The following TNKS2 variants were observed in gnomAD, a reference collection of about 807,000 sequenced individuals.
TNKS2 encodes the protein poly [ADP-ribose] polymerase tankyrase-2.
TNKS2 carries 72 observed loss-of-function variants against 137.6 expected under a neutral mutation model. That is an observed-to-expected ratio of 0.52 (90% CI 0.43 to 0.64). The LOEUF (loss-of-function observed/expected upper bound fraction) is 0.64, where lower values mean the gene tolerates loss of function less well. Among genes scored for constraint, TNKS2 ranks in the 30% least tolerant of loss-of-function variants. TNKS2 has a pLI of 0.00. For missense variants in TNKS2, 1,049 were observed against 1,410.2 expected, an observed-to-expected ratio of 0.74 and a Z score of 4.10; for synonymous variants, 516 against 512.1, an observed-to-expected ratio of 1.01 and a Z score of -0.10.
chr10:91,840,532 T>C (rs1281503472), intron 13 of TNKS2, 29 bp from the exon 14 acceptor site: 3 of 1,586,958 alleles, frequency 1.9e-6, no homozygotes, highest in Non-Finnish European at 2.6e-6. Flanking sequence ...GTAGATGTAG[T>C]ATCATGTATG....
At position 91,862,963 on chromosome 10, in the gene TNKS2, C is replaced by A; in HGVS notation, c.3465C>A (p.Tyr1155Ter). 6.2e-7 allele frequency: 1 copy of A among 1,605,994 alleles called. No individual in the cohort carries two copies. ...EQAYPEYLIT[Y>*]QIMRPEGMVD... Reference sequence around the variant, plus strand: ...CTTATCCTGAGTATTTAATTACTTACCAGATTATGAGGCCTGAAGGTATGG... The same window carrying A: ...CTTATCCTGAGTATTTAATTACTTAACAGATTATGAGGCCTGAAGGTATGG... The change falls in exon 27 of 27, where the codon TAC (tyrosine) becomes TAA (stop). Residue 1155 changes from tyrosine to a stop codon, truncating the protein, a stop_gained. Transcript: ENST00000371627. LOFTEE classifies it high-confidence loss of function.
chr10:91,854,401 T>C (rs1384448091), intron 21 of TNKS2, among the ~76,000 whole-genome samples: 9 of 152,272 alleles, frequency 5.9e-5, no homozygotes, highest in Admixed American at 1.3e-4. Flanking sequence ...GTATGTGTAC[T>C]GGTTTTGATC....
chr10:91,799,390 G>A (rs1488456066), intron 1 of TNKS2, among the ~76,000 whole-genome samples: 1 of 152,168 alleles, frequency 6.6e-6, no homozygotes, highest in East Asian at 1.9e-4. Context: ...GCGTTAATTG[G>A]TTTATCAGAA....
At chr10:91,818,707 A>AT (rs756981541) in intron 3 of TNKS2, among the ~76,000 whole-genome samples, 1 of 151,902 alleles carries the variant, frequency 6.6e-6, no homozygotes, top group Non-Finnish European at 1.5e-5. Context: ...CAATTTTTGT[A>AT]TTTTTTGTAG....
chr10:91,839,885 T>A (rs1219491700), intron 13 of TNKS2, among the ~76,000 whole-genome samples: 5 of 152,242 alleles, frequency 3.3e-5, no homozygotes, highest in Non-Finnish European at 1.5e-5. Flanking sequence ...AATAAGCTCC[T>A]TGGTAATGCT....
chr10:91,826,569 G>T (rs1845077269), intron 7 of TNKS2, among the ~76,000 whole-genome samples: 1 of 152,184 alleles, frequency 6.6e-6, no homozygotes, highest in African/African-American at 2.4e-5. Flanking sequence ...TATCTAATAT[G>T]TGGCCAGAAT....
chr10:91,828,256 A>T, intron 8 of TNKS2, 29 bp from the exon 9 acceptor site: 3 of 1,522,052 alleles, frequency 2.0e-6, no homozygotes, highest in Non-Finnish European at 2.6e-6. Context: ...TGAACTCGTT[A>T]TACATGTAAA....
chr10:91,848,798 A>G (rs1332775734), intron 19 of TNKS2, among the ~76,000 whole-genome samples, 163 bp downstream of exon 19: 1 of 152,158 alleles, frequency 6.6e-6, no homozygotes, highest in African/African-American at 2.4e-5. Flanking sequence ...TCTTCCTTCC[A>G]AGTTGACAGT....
rs1252925794 is a variant in TNKS2, at chr10:91,863,944, A to G, written c.*945A>G. ...TCCAGGGTGGGAAGGGTAATCCTAA[A>G]TCATTTCCCAATCTATTCTAATTAC... On this transcript the variant is annotated 3_prime_UTR_variant, in exon 27 of 27. Transcript: ENST00000371627. 1.3e-5 allele frequency: 2 copies of G among 152,162 alleles called. No individual in the cohort carries two copies. The highest frequency in any genetic ancestry group is 3.8e-4 in the East Asian group (2 of 5,206). 9.4% of individuals were successfully genotyped at this position (152,162 alleles called of 1,614,324 possible).
intron 1 of TNKS2, among the ~76,000 whole-genome samples, chr10:91,803,366 T>A (rs1272431736): frequency 2.0e-5 from 3 of 151,222 alleles, no homozygotes; most frequent in African/African-American, 7.3e-5. Context: ...AATAGAAAAA[T>A]GAGCCGGGCA....
At chr10:91,858,325 T>C (rs996419947) in intron 24 of TNKS2, among the ~76,000 whole-genome samples, 7 of 152,192 alleles carry the variant, frequency 4.6e-5, no homozygotes, top group African/African-American at 1.7e-4. Flanking sequence ...TAAATAATTA[T>C]CATGATAATC....
intron 25 of TNKS2, among the ~76,000 whole-genome samples, chr10:91,861,588 A>G (rs921716303): frequency 1.3e-5 from 2 of 152,210 alleles, no homozygotes; most frequent in African/African-American, 4.8e-5. Context: ...TAAGAAAAGT[A>G]AATGGATTTC....
rs1842184275 is a variant in TNKS2, at chr10:91,840,694, C to T, written c.1661C>T (p.Ala554Val). ...YLLQHGADVH[A>V]KDKGGLVPLH... ...CTACAGCATGGAGCTGATGTGCATG[C>T]TAAAGATAAAGGGTAAATGCCAATG... The change falls in exon 14 of 27, where the codon GCT becomes GTT. Residue 554 changes from alanine (A) to valine (V), a missense_variant. Transcript: ENST00000371627. The T allele has an allele frequency of 6.2e-7, 1 of 1,613,110 alleles. No homozygotes were observed. Among genetic ancestry groups the T allele is most frequent in the Non-Finnish European group, 8.5e-7 (1 of 1,179,640 alleles).
In TNKS2 at chr10:91,798,854, C is replaced by A; in HGVS notation, c.164C>A (p.Ala55Glu). The A allele has an allele frequency of 1.5e-6, 2 of 1,361,692 alleles. No individual in the cohort carries two copies. Among genetic ancestry groups the A allele is most frequent in the East Asian group, 6.0e-5 (2 of 33,118 alleles). 84.4% of individuals were successfully genotyped at this position (1,361,692 alleles called of 1,614,324 possible). ...GAGAAGGTGAACAGCCGCGACACGG[C>A]GGGCAGGAAATCCACCCCGCTGCAC... Reference protein sequence around the residue: ...TPEKVNSRDTAGRKSTPLHFA... With the variant: ...TPEKVNSRDTEGRKSTPLHFA... Residue 55 changes from alanine to glutamate, a missense_variant, in exon 1 of 27, where the codon GCG (alanine) becomes GAG (glutamate). By Grantham distance (107) the Ala-to-Glu change is moderately radical. Coordinates refer to ENST00000371627, the MANE Select transcript of TNKS2 (RefSeq NM_025235.4).
At chr10:91,801,572 C>T (rs930034774) in intron 1 of TNKS2, among the ~76,000 whole-genome samples, 3 of 151,950 alleles carry the variant, frequency 2.0e-5, no homozygotes, top group Admixed American at 1.3e-4. Flanking sequence ...CTTCCGGGTT[C>T]GACCGATTCT....
chr10:91,861,713 G>GT, intron 25 of TNKS2, among the ~76,000 whole-genome samples: 1 of 152,190 alleles, frequency 6.6e-6, no homozygotes, highest in African/African-American at 2.4e-5. Context: ...AGTGACTTTT[G>GT]TTTTTTGCTG....
intron 13 of TNKS2, among the ~76,000 whole-genome samples, chr10:91,839,161 C>T (rs1255377382): frequency 6.6e-6 from 1 of 151,916 alleles, no homozygotes; most frequent in Non-Finnish European, 1.5e-5. Flanking sequence ...CCACCGTGCC[C>T]GGCCTAAGAT....
chr10:91,803,306 A>C (rs572060817), intron 1 of TNKS2, among the ~76,000 whole-genome samples: 2 of 152,310 alleles, frequency 1.3e-5, no homozygotes, highest in South Asian at 4.1e-4. Context: ...TGAACTCAAG[A>C]GTTCAAGACC....
intron 7 of TNKS2, among the ~76,000 whole-genome samples, chr10:91,825,565 A>G (rs1043057548): frequency 3.3e-5 from 5 of 152,240 alleles, no homozygotes; most frequent in African/African-American, 9.6e-5. Context: ...TTAACTTAAT[A>G]TAGAAGAAAG....
Sources: gnomAD v4.1 joint callset for allele counts (sites outside exome capture counted in the v4.1 genomes callset) on GRCh38, gnomAD v4.1.1 for gene constraint, MANE v1.5 for transcripts, NCBI Gene and HGNC (gene_info 2026-07-23, HGNC 2026-07-21) for gene names.